The following PLCH1 variants were observed in gnomAD, a reference collection of about 807,000 sequenced individuals.
PLCH1 encodes phospholipase C eta 1.
PLCH1 carries 60 observed loss-of-function variants against 126.7 expected under a neutral mutation model. The observed-to-expected ratio is 0.47, with a 90% CI of 0.38 to 0.59. PLCH1 has a LOEUF of 0.59. PLCH1 is among the 20% of genes least tolerant of loss of function. The probability of loss-of-function intolerance (pLI) is 0.00; values close to 1 mark genes in which losing one functional copy is unlikely to be tolerated. For missense variants in PLCH1, 1,723 were observed against 2,040.0 expected (o/e 0.84, Z 2.99); for synonymous variants, 719 against 734.9 (o/e 0.98, Z 0.35).
At chr3:155,710,258 G>C (rs1747002273) in intron 1 of PLCH1, among the ~76,000 whole-genome samples, 2 of 152,094 alleles carry the variant, frequency 1.3e-5, no homozygotes. Context: ...CCAAAGTTCT[G>C]GGATTATAGA....
chr3:155,697,650 CACA>C (rs1745929243), intron 2 of PLCH1, among the ~76,000 whole-genome samples: 1 of 152,140 alleles, frequency 6.6e-6, no homozygotes, highest in Non-Finnish European at 1.5e-5. Flanking sequence ...TGTAGAGCTC[CACA>C]TGAAGAAATA....
intron 1 of PLCH1, among the ~76,000 whole-genome samples, chr3:155,717,727 G>A (rs1242422388): frequency 6.6e-6 from 1 of 152,178 alleles, no homozygotes; most frequent in African/African-American, 2.4e-5. Flanking sequence ...GTCCTACTAG[G>A]TCTCAGGGCC....
intron 2 of PLCH1, among the ~76,000 whole-genome samples, chr3:155,621,228 A>C (rs866863567): frequency 2.0e-5 from 3 of 152,356 alleles, no homozygotes; most frequent in Middle Eastern, 6.8e-3. Context: ...ATCAACAAAA[A>C]GGACATCCAC....
At chr3:155,477,995 C>G (rs56274127), downstream of PLCH1, among the ~76,000 whole-genome samples, 2,516 of 152,138 alleles carry the variant, frequency 0.017, 67 homozygotes, top group African/African-American at 0.057. Flanking sequence ...TGGAAGCAAC[C>G]TAAGTGTCTA....
Position 155,497,312 on chromosome 3 carries a change from A to G in PLCH1, c.1894+8T>C. 6.4e-7 allele frequency: 1 copy of G among 1,571,140 alleles called. No individual in the cohort carries two copies. The highest frequency in any genetic ancestry group is 8.8e-7 in the Non-Finnish European group (1 of 1,141,280). ...TCAGAGCAGAATGAGAAAACTCTCCATCCTTACCGTCATCCACAATGTCCT... is the reference window on the plus strand; with the variant it reads ...TCAGAGCAGAATGAGAAAACTCTCCGTCCTTACCGTCATCCACAATGTCCT... On this transcript the variant is annotated splice_region_variant and intron_variant, in intron 15 of 22. Coordinates refer to ENST00000460012, the MANE Select transcript of PLCH1 (RefSeq NM_014996.4).
intron 1 of PLCH1, among the ~76,000 whole-genome samples, chr3:155,705,430 C>T (rs913244152): frequency 6.6e-6 from 1 of 152,164 alleles, no homozygotes; most frequent in Non-Finnish European, 1.5e-5. Flanking sequence ...GCTAATCTGA[C>T]TGCTTATCCT....
chr3:155,533,695 A>G (rs1722981791), intron 10 of PLCH1, among the ~76,000 whole-genome samples: 1 of 152,232 alleles, frequency 6.6e-6, no homozygotes, highest in Non-Finnish European at 1.5e-5. Flanking sequence ...CCTTCATGGC[A>G]GCCCCTCCCA....
intron 4 of PLCH1, 48 bp downstream of exon 4, chr3:155,593,893 T>C (rs1023586857): frequency 1.1e-5 from 17 of 1,592,228 alleles, no homozygotes; most frequent in Non-Finnish European, 1.5e-5. Context: ...CACACACGCA[T>C]ACACAGAGAG....
At chr3:155,532,409 T>G (rs1027943902) in intron 10 of PLCH1, among the ~76,000 whole-genome samples, 1 of 152,170 alleles carries the variant, frequency 6.6e-6, no homozygotes, top group African/African-American at 2.4e-5. Context: ...ACATCCTCAC[T>G]GGGGAATCTG....
intron 2 of PLCH1, chr3:155,658,027 G>T (rs13084995): frequency 0.18 from 36,169 of 197,896 alleles, 3,905 homozygotes; most frequent in East Asian, 0.43. Context: ...AAAGGAAAAG[G>T]AAAAGGTTCA....
chr3:155,639,249 A>G (rs933602098), intron 2 of PLCH1, among the ~76,000 whole-genome samples: 1 of 152,120 alleles, frequency 6.6e-6, no homozygotes, highest in Non-Finnish European at 1.5e-5. Context: ...ACTTGAGCCC[A>G]GGAGTTCGAG....
intron 7 of PLCH1, 64 bp from the exon 8 acceptor site, chr3:155,565,182 G>C: frequency 1.0e-6 from 1 of 1,002,278 alleles, no homozygotes. Flanking sequence ...GGCTCTAAGA[G>C]GGGCAAAAGG....
chr3:155,593,075 G>GA (rs1385918496), intron 4 of PLCH1, among the ~76,000 whole-genome samples: 1 of 151,936 alleles, frequency 6.6e-6, no homozygotes, highest in Non-Finnish European at 1.5e-5. Flanking sequence ...CAACCCCTGC[G>GA]AAAAAAATTA....
At chr3:155,589,917 T>C (rs1731883774) in intron 4 of PLCH1, among the ~76,000 whole-genome samples, 2 of 152,328 alleles carry the variant, frequency 1.3e-5, no homozygotes, top group South Asian at 2.1e-4. Flanking sequence ...ATCACCATGT[T>C]GCAGATAAAA....
chr3:155,523,804 A>G (rs9840061), intron 11 of PLCH1, 93 bp downstream of exon 11: 508,262 of 693,202 alleles, frequency 0.73, 187,647 homozygotes, highest in East Asian at 0.95. Context: ...CACAGCCACC[A>G]TAATTGTGAG....
intron 10 of PLCH1, among the ~76,000 whole-genome samples, chr3:155,548,400 A>C (rs1018132463): frequency 3.3e-5 from 5 of 152,164 alleles, no homozygotes; most frequent in Non-Finnish European, 5.9e-5. Flanking sequence ...ACCCTTTCCC[A>C]TGAGTGCCTC....
chr3:155,635,982 T>C (rs995016835), intron 2 of PLCH1, among the ~76,000 whole-genome samples: 10 of 152,236 alleles, frequency 6.6e-5, no homozygotes, highest in African/African-American at 2.4e-4. Context: ...TTCTTCCATG[T>C]TTCTACTCTA....
intron 15 of PLCH1, among the ~76,000 whole-genome samples, chr3:155,496,628 G>C (rs1195002051): frequency 1.3e-5 from 2 of 151,988 alleles, no homozygotes; most frequent in Non-Finnish European, 2.9e-5. Flanking sequence ...TTACATTTCG[G>C]TTCCACTAAA....
chr3:155,571,197 TCAA>T (rs1729178999), intron 6 of PLCH1, among the ~76,000 whole-genome samples: 1 of 152,206 alleles, frequency 6.6e-6, no homozygotes, highest in Non-Finnish European at 1.5e-5. Context: ...GCTATGATTC[TCAA>T]CAACACCAAG....
Sources: gnomAD v4.1 joint callset for allele counts (sites outside exome capture counted in the v4.1 genomes callset) on GRCh38, gnomAD v4.1.1 for gene constraint, MANE v1.5 for transcripts, NCBI Gene and HGNC (gene_info 2026-07-23, HGNC 2026-07-21) for gene names.